HDAC4: variants seen among roughly 807,000 people sequenced by gnomAD.
HDAC4 encodes the protein histone deacetylase 4, also known as histone deacetylase A.
In HDAC4, 16 loss-of-function variants were observed where a neutral mutation model predicts 135.1. The ratio of observed to expected loss-of-function variants is 0.12; its 90% CI spans 0.08 to 0.18. The LOEUF is 0.18. Among genes scored for constraint, HDAC4 ranks in the 10% least tolerant of loss-of-function variants. The pLI is 1.00. For missense variants in HDAC4, 1,143 were observed against 1,511.8 expected, an observed-to-expected ratio of 0.76 and a Z score of 4.05; for synonymous variants, 685 against 653.4, an observed-to-expected ratio of 1.05 and a Z score of -0.74.
At chr2:239,132,207 G>A (rs2040637334) in intron 11 of HDAC4, among the ~76,000 whole-genome samples, 1 of 152,226 alleles carries the variant, frequency 6.6e-6, no homozygotes, top group Non-Finnish European at 1.5e-5. Flanking sequence ...TCAGGCTCAC[G>A]GGGGCGGACC....
intron 11 of HDAC4, among the ~76,000 whole-genome samples, chr2:239,129,216 C>T (rs2040402523): frequency 6.6e-6 from 1 of 152,180 alleles, no homozygotes; most frequent in Non-Finnish European, 1.5e-5. Flanking sequence ...ACAGGGACAC[C>T]CTACCCCTGG....
intron 9 of HDAC4, among the ~76,000 whole-genome samples, chr2:239,137,305 G>A (rs555007928): frequency 6.6e-6 from 1 of 152,336 alleles, no homozygotes; most frequent in East Asian, 1.9e-4. Flanking sequence ...CCGCGGGCCT[G>A]AGGTCAGAGC....
At chr2:239,244,837 T>C (rs1300365143) in intron 2 of HDAC4, among the ~76,000 whole-genome samples, 1 of 152,088 alleles carries the variant, frequency 6.6e-6, no homozygotes, top group Non-Finnish European at 1.5e-5. Context: ...GCACTACCCC[T>C]GGGCCTGGCA....
At chr2:239,178,412 A>G (rs1206651634) in intron 4 of HDAC4, among the ~76,000 whole-genome samples, 1 of 152,036 alleles carries the variant, frequency 6.6e-6, no homozygotes, top group Non-Finnish European at 1.5e-5. Context: ...ATGGCAGTTA[A>G]TTAAAAAAAC....
chr2:239,244,706 G>A (rs557626340), intron 2 of HDAC4, among the ~76,000 whole-genome samples: 1 of 152,258 alleles, frequency 6.6e-6, no homozygotes, highest in South Asian at 2.1e-4. Context: ...CCCCAGAGGG[G>A]TCTCCATCTG....
chr2:239,360,856 G>A (rs978709449), intron 1 of HDAC4, among the ~76,000 whole-genome samples: 1 of 152,212 alleles, frequency 6.6e-6, no homozygotes, highest in Non-Finnish European at 1.5e-5. Context: ...CTGGGTTGGA[G>A]TTCATCGGCA....
chr2:239,080,362 C>G (rs539350015), intron 22 of HDAC4, among the ~76,000 whole-genome samples: 19 of 152,364 alleles, frequency 1.2e-4, no homozygotes, highest in Admixed American at 2.0e-4. Flanking sequence ...CTCAGCCACG[C>G]TAATAAAACC....
chr2:239,137,660 C>T (rs1289219076), intron 9 of HDAC4, among the ~76,000 whole-genome samples: 3 of 152,208 alleles, frequency 2.0e-5, no homozygotes, highest in African/African-American at 7.2e-5. Flanking sequence ...GAGACACCCC[C>T]TCTGACGGGC....
chr2:239,114,322 G>A (rs1457331826), intron 13 of HDAC4, among the ~76,000 whole-genome samples: 1 of 152,212 alleles, frequency 6.6e-6, no homozygotes, highest in Non-Finnish European at 1.5e-5. Context: ...CAGCTCTGCT[G>A]CTGGAGGATA....
chr2:239,372,291 C>T (rs1032791652), intron 1 of HDAC4, among the ~76,000 whole-genome samples: 15 of 152,188 alleles, frequency 9.9e-5, no homozygotes, highest in Admixed American at 2.6e-4. Flanking sequence ...GCTACTCATC[C>T]GACCGCTCCC....
At chr2:239,057,859 G>A (rs564333898) in intron 24 of HDAC4, among the ~76,000 whole-genome samples, 2 of 152,310 alleles carry the variant, frequency 1.3e-5, no homozygotes, top group Non-Finnish European at 2.9e-5. Context: ...ATAAGTACAG[G>A]AAAGCCTGGA....
chr2:239,386,134 G>A lies in HDAC4; in HGVS notation c.-220+14844C>T, dbSNP rs143472789. On this transcript the variant is annotated intron_variant, in intron 1 of 26. Coordinates refer to ENST00000543185, the MANE Select transcript of HDAC4 (RefSeq NM_001378414.1). ...GGATGCCAGGACCAGGGCAGAGAAG[G>A]AAGGCTGAGAGTCGGAGCACAGGGA... 6.6e-5 allele frequency among the ~76,000 whole-genome samples: 10 copies of A among 152,140 alleles called. No homozygotes were observed. In the East Asian group the frequency reaches 1.9e-3, roughly 30 times the overall value.
In HDAC4 at chr2:239,062,364, C is replaced by T. The variant is rs991937592; in HGVS notation, c.3003+4358G>A. ...CAGCTGGCGGCCCCGCCTGTGTGTG[C>T]CAGATCGCCTGGCACACTGTATATC... On this transcript the variant is annotated intron_variant, in intron 24 of 26. Transcript: ENST00000543185. 2.0e-5 allele frequency among the ~76,000 whole-genome samples: 3 copies of T among 152,364 alleles called. No individual in the cohort carries two copies. The South Asian group carries it at 6.2e-4, about 32-fold the overall frequency.
At chr2:239,106,083 C>A (rs557568518) in intron 15 of HDAC4, among the ~76,000 whole-genome samples, 9 of 152,330 alleles carry the variant, frequency 5.9e-5, no homozygotes, top group Admixed American at 2.6e-4. Flanking sequence ...CAGGTCTTGT[C>A]CCACAGCCCC....
At chr2:239,238,805 C>T (rs1027239924) in intron 2 of HDAC4, among the ~76,000 whole-genome samples, 1 of 152,234 alleles carries the variant, frequency 6.6e-6, no homozygotes, top group Non-Finnish European at 1.5e-5. Flanking sequence ...AGTCACGATA[C>T]GTGGTGTTCC....
rs1261482319 is a variant in HDAC4, at chr2:239,245,857, G to C, written c.23-9193C>G. Among the ~76,000 whole-genome samples the C allele has an allele frequency of 6.6e-6, 1 of 152,192 alleles. No homozygotes were observed. Among genetic ancestry groups the C allele is most frequent in the Non-Finnish European group, 1.5e-5 (1 of 68,038 alleles). ...TTCACGAATATCCCAACAGTCTTCA[G>C]TTCATCCCCAGCCCCTATGTGTTCA... is the stretch of plus-strand genomic sequence containing the variant. On this transcript the variant is annotated intron_variant, in intron 2 of 26. Coordinates refer to ENST00000543185, the MANE Select transcript of HDAC4 (RefSeq NM_001378414.1). This position sits in a 1 kb window ranked among gnomAD's most constrained non-coding sequence, Gnocchi z 4.4.
chr2:239,387,686 C>A (rs1014663048), intron 1 of HDAC4, among the ~76,000 whole-genome samples: 1 of 152,182 alleles, frequency 6.6e-6, no homozygotes, highest in African/African-American at 2.4e-5. Context: ...AGAAGAAAAC[C>A]GAGGCTTAGA....
At chr2:239,247,972 G>C (rs2124885840) in intron 2 of HDAC4, among the ~76,000 whole-genome samples, 1 of 152,288 alleles carries the variant, frequency 6.6e-6, no homozygotes, top group South Asian at 2.1e-4. Flanking sequence ...TTTCGGAAGT[G>C]ACCAATCTGT....
intron 3 of HDAC4, among the ~76,000 whole-genome samples, chr2:239,193,101 G>T (rs762028062): frequency 4.2e-4 from 64 of 152,148 alleles, no homozygotes; most frequent in African/African-American, 1.5e-3. Flanking sequence ...CCTACGTCTC[G>T]CCTCATTTAT....
Sources: allele counts gnomAD v4.1 joint callset (sites outside exome capture counted in the v4.1 genomes callset), GRCh38; gene constraint gnomAD v4.1.1; non-coding constraint Gnocchi (gnomAD v3.1); transcripts MANE v1.5; gene names NCBI Gene and HGNC (gene_info 2026-07-23, HGNC 2026-07-21).